The following NRG1 variants were observed in gnomAD, a reference collection of about 807,000 sequenced individuals.
NRG1 encodes the protein pro-neuregulin-1, membrane-bound isoform.
NRG1 carries 18 observed loss-of-function variants against 63.8 expected under a neutral mutation model. The observed-to-expected ratio is 0.28, with a 90% CI of 0.19 to 0.42. NRG1 has a LOEUF of 0.42. Among genes scored for constraint, NRG1 ranks in the 10% least tolerant of loss-of-function variants. The probability of loss-of-function intolerance (pLI) is 1.00; values close to 1 mark genes in which losing one functional copy is unlikely to be tolerated. For missense variants in NRG1, 762 were observed against 814.7 expected (o/e 0.94, Z 0.79); for synonymous variants, 302 against 301.3 (o/e 1.00, Z -0.02).
At chr8:32,104,612 T>A (rs1831020847) in intron 1 of NRG1, among the ~76,000 whole-genome samples, 1 of 152,162 alleles carries the variant, frequency 6.6e-6, no homozygotes, top group South Asian at 2.1e-4. Flanking sequence ...TACAAACACA[T>A]TGTACAGCTG....
rs117639905 is a variant in NRG1, at chr8:31,752,461, G to T, written c.37+113030G>T. Reference sequence around the variant, plus strand: ...AAGGAAGCAGGGATGGAAGGGCTTGGGGGGAGACCAATTAGGAGACTGTGC... The same window carrying T: ...AAGGAAGCAGGGATGGAAGGGCTTGTGGGGAGACCAATTAGGAGACTGTGC... On this transcript the variant is annotated intron_variant, in intron 1 of 10. Transcript: ENST00000519301. 4.0e-3 allele frequency among the ~76,000 whole-genome samples: 610 copies of T among 152,146 alleles called. 2 individuals are homozygous for T. The highest frequency in any genetic ancestry group is 0.02 in the Middle Eastern group (6 of 294).
chr8:31,732,567 G>A (rs1240741502), intron 1 of NRG1, among the ~76,000 whole-genome samples: 3 of 152,078 alleles, frequency 2.0e-5, no homozygotes, highest in Non-Finnish European at 4.4e-5. Context: ...TAGCATTAAA[G>A]TCAGGACTTT....
At chr8:32,490,015 A>G (rs1472052924) in intron 1 of NRG1, among the ~76,000 whole-genome samples, 1 of 152,236 alleles carries the variant, frequency 6.6e-6, no homozygotes, top group East Asian at 1.9e-4. Context: ...TGTTAAAAAC[A>G]TAAATTCTTG....
At chr8:32,125,090 T>C (rs890889400) in intron 1 of NRG1, among the ~76,000 whole-genome samples, 2 of 151,892 alleles carry the variant, frequency 1.3e-5, no homozygotes, top group Non-Finnish European at 2.9e-5. Flanking sequence ...TCTTCCAACA[T>C]GTGAGGACAT....
chr8:32,261,451 G>C (rs567953075), intron 1 of NRG1, among the ~76,000 whole-genome samples: 9 of 151,774 alleles, frequency 5.9e-5, no homozygotes, highest in African/African-American at 2.2e-4. Flanking sequence ...CGAAACGGAG[G>C]CTTTTCTTAC....
chr8:32,317,115 CT>C (rs34091395), intron 1 of NRG1, among the ~76,000 whole-genome samples: 20,228 of 152,140 alleles, frequency 0.13, 1,428 homozygotes, highest in South Asian at 0.18. Flanking sequence ...TATACGTTCT[CT>C]CCATGATTTA....
chr8:32,072,023 T>C (rs1367766019), intron 1 of NRG1, among the ~76,000 whole-genome samples: 1 of 152,182 alleles, frequency 6.6e-6, no homozygotes, highest in East Asian at 1.9e-4. Context: ...CAGAGTTCTT[T>C]CTTTTTTAAC....
chr8:32,676,324 G>A (rs565417811), intron 5 of NRG1, among the ~76,000 whole-genome samples: 1 of 152,272 alleles, frequency 6.6e-6, no homozygotes, highest in East Asian at 1.9e-4. Context: ...ATGACCCCAG[G>A]GGGGCTTTGC....
intron 1 of NRG1, among the ~76,000 whole-genome samples, chr8:32,161,301 C>CAG (rs1838799009): frequency 6.6e-6 from 1 of 152,076 alleles, no homozygotes; most frequent in Admixed American, 6.5e-5. Context: ...AAGCCTTTGG[C>CAG]AGAGAGAGAC....
At chr8:31,661,069 G>A (rs78648261) in intron 1 of NRG1, among the ~76,000 whole-genome samples, 5,136 of 152,204 alleles carry the variant, frequency 0.034, 245 homozygotes, top group South Asian at 0.12. Context: ...TGATGATTTA[G>A]TATTTCCCCA....
At chr8:32,520,615 G>A (rs1014401514) in intron 1 of NRG1, among the ~76,000 whole-genome samples, 2 of 152,190 alleles carry the variant, frequency 1.3e-5, no homozygotes, top group African/African-American at 4.8e-5. Context: ...TTTTTATGTT[G>A]TCTAAAGTCA....
At chr8:31,716,847 A>G (rs1228956639) in intron 1 of NRG1, among the ~76,000 whole-genome samples, 2 of 152,262 alleles carry the variant, frequency 1.3e-5, no homozygotes, top group African/African-American at 4.8e-5. Flanking sequence ...ATTAAATTCT[A>G]TAATTTAAAA....
intron 1 of NRG1, among the ~76,000 whole-genome samples, chr8:31,881,136 A>G (rs1830316044): frequency 6.6e-6 from 1 of 152,182 alleles, no homozygotes; most frequent in African/African-American, 2.4e-5. Context: ...ACTTTGCTTT[A>G]TCATGCTTTG....
intron 1 of NRG1, among the ~76,000 whole-genome samples, chr8:31,791,105 A>C (rs1462641974): frequency 6.6e-6 from 1 of 151,548 alleles, no homozygotes; most frequent in Non-Finnish European, 1.5e-5. Flanking sequence ...GCTACCGGGA[A>C]GGCTGAGGCG....
intron 1 of NRG1, among the ~76,000 whole-genome samples, chr8:31,716,871 G>C (rs1812399539): frequency 6.6e-6 from 1 of 152,202 alleles, no homozygotes; most frequent in African/African-American, 2.4e-5. Context: ...ACTATGTCTG[G>C]TATGTATTCA....
chr8:32,516,481 G>C (rs1829835235), intron 1 of NRG1, among the ~76,000 whole-genome samples: 1 of 152,076 alleles, frequency 6.6e-6, no homozygotes, highest in South Asian at 2.1e-4. Flanking sequence ...TTGGTAGTTT[G>C]GTAAGAACAG....
At chr8:32,276,142 C>T (rs1011958995) in intron 1 of NRG1, among the ~76,000 whole-genome samples, 2 of 152,178 alleles carry the variant, frequency 1.3e-5, no homozygotes, top group Non-Finnish European at 2.9e-5. Context: ...AGAATTCATT[C>T]ACCCTATCTA....
At chr8:32,147,703 G>A (rs899946290) in intron 1 of NRG1, among the ~76,000 whole-genome samples, 2 of 151,960 alleles carry the variant, frequency 1.3e-5, no homozygotes, top group Non-Finnish European at 2.9e-5. Flanking sequence ...GTCCAAGCTT[G>A]GTATTCAATT....
At chr8:32,340,178 G>A (rs1253151805) in intron 1 of NRG1, among the ~76,000 whole-genome samples, 1 of 152,140 alleles carries the variant, frequency 6.6e-6, no homozygotes, top group Non-Finnish European at 1.5e-5. Context: ...ATTTTATAGT[G>A]TGCAACATTT....
Sources: gnomAD v4.1 joint callset for allele counts (sites outside exome capture counted in the v4.1 genomes callset) on GRCh38, gnomAD v4.1.1 for gene constraint, MANE v1.5 for transcripts, NCBI Gene and HGNC (gene_info 2026-07-23, HGNC 2026-07-21) for gene names.